Variants in NR3C2 observed in about 807,000 individuals in gnomAD.
NR3C2 encodes the protein mineralocorticoid receptor.
A neutral mutation model predicts 86.4 loss-of-function variants in NR3C2; 15 were observed. That is an observed-to-expected ratio of 0.17 (90% confidence interval 0.12 to 0.27). The LOEUF (loss-of-function observed/expected upper bound fraction) is 0.27. Among genes scored for constraint, NR3C2 ranks in the 10% least tolerant of loss-of-function variants. NR3C2 has a pLI of 1.00. For synonymous variants in NR3C2, 458 were observed against 450.5 expected (o/e 1.02, Z -0.21); for missense variants, 960 against 1,195.6 (o/e 0.80, Z 2.91).
intron 6 of NR3C2, among the ~76,000 whole-genome samples, chr4:148,131,655 G>A (rs1449208858): frequency 6.6e-6 from 1 of 152,160 alleles, no homozygotes; most frequent in Non-Finnish European, 1.5e-5. Flanking sequence ...CAGCCATAAG[G>A]TCTAGAAATC....
intron 2 of NR3C2, among the ~76,000 whole-genome samples, chr4:148,424,933 G>A (rs747400875): frequency 2.6e-5 from 4 of 152,074 alleles, no homozygotes; most frequent in South Asian, 2.1e-4. Flanking sequence ...ATCTCATTGC[G>A]CAGACTAAGA....
intron 3 of NR3C2, among the ~76,000 whole-genome samples, chr4:148,246,582 G>A (rs961188168): frequency 1.3e-5 from 2 of 152,014 alleles, no homozygotes; most frequent in Non-Finnish European, 1.5e-5. Context: ...ATGGAGCGTC[G>A]CTCTTGTTGC....
chr4:148,265,876 A>G (rs1012495485), intron 2 of NR3C2, among the ~76,000 whole-genome samples: 1 of 152,204 alleles, frequency 6.6e-6, no homozygotes, highest in Non-Finnish European at 1.5e-5. Flanking sequence ...CACTGTTCTA[A>G]GCACTGAGAA....
At chr4:148,442,573 A>G, upstream of NR3C2, 2 of 887,826 alleles carry the variant, frequency 2.3e-6, no homozygotes, top group Non-Finnish European at 2.7e-6. Context: ...CGCCCCCCTG[A>G]ACCCTTCCTA....
chr4:148,155,047 T>TA (rs1259028109), intron 4 of NR3C2, 146 bp from the exon 5 acceptor site: 1 of 691,400 alleles, frequency 1.4e-6, no homozygotes, highest in Non-Finnish European at 2.5e-6. Flanking sequence ...AGAAAATATA[T>TA]AAAGCTCAAT....
chr4:148,312,194 C>A (rs1030172215), intron 2 of NR3C2, among the ~76,000 whole-genome samples: 2 of 152,160 alleles, frequency 1.3e-5, no homozygotes, highest in Non-Finnish European at 2.9e-5. Flanking sequence ...CTATTATTAG[C>A]AAGTGTAGTC....
intron 2 of NR3C2, among the ~76,000 whole-genome samples, chr4:148,310,286 C>T (rs950844642): frequency 6.6e-6 from 1 of 152,132 alleles, no homozygotes; most frequent in African/African-American, 2.4e-5. Flanking sequence ...TGTGCTTATA[C>T]CCAAGGCTCC....
At chr4:148,120,039 TTC>T (rs1359611008) in intron 7 of NR3C2, 117 bp downstream of exon 7, 5 of 1,323,572 alleles carry the variant, frequency 3.8e-6, no homozygotes, top group African/African-American at 1.4e-5. Context: ...TCTTCAGTGT[TTC>T]TGTTTGGTTT....
At chr4:148,134,625 TTC>T (rs199563185) in intron 6 of NR3C2, among the ~76,000 whole-genome samples, 5,944 of 99,782 alleles carry the variant, frequency 0.06, 614 homozygotes, top group East Asian at 0.16. Flanking sequence ...CTCCCTGTGA[TTC>T]TCTCTCTCTC....
intron 2 of NR3C2, among the ~76,000 whole-genome samples, chr4:148,350,842 G>A (rs1196632522): frequency 6.6e-6 from 1 of 152,070 alleles, no homozygotes; most frequent in Admixed American, 6.6e-5. Context: ...TAAATTAATA[G>A]CCCTCAATCT....
chr4:148,276,979 C>A (rs753144371), intron 2 of NR3C2, among the ~76,000 whole-genome samples: 2 of 152,206 alleles, frequency 1.3e-5, no homozygotes, highest in African/African-American at 2.4e-5. Context: ...ACTCTGAACA[C>A]AATTTACTGT....
In NR3C2 at chr4:148,081,100, C is replaced by T; in HGVS notation, c.*244G>A. On this transcript the variant is annotated 3_prime_UTR_variant, in exon 9 of 9. Coordinates refer to ENST00000358102, the MANE Select transcript of NR3C2 (RefSeq NM_000901.5). ...AGATATGGCTTTTCATCCCGAGGAA[C>T]AGGAACATGTTTCTAAGCGCTGGGG... is the stretch of plus-strand genomic sequence containing the variant. 1.8e-6 allele frequency: 1 copy of T among 543,660 alleles called. No homozygotes were observed. The highest frequency in any genetic ancestry group is 3.3e-5 in the East Asian group (1 of 30,372). The allele number at this position is 543,660 out of a possible 1,614,324, so 33.7% of individuals were successfully genotyped here. A position where few individuals can be genotyped will look rare whatever the true frequency, so the allele number is the denominator to read the frequency against.
chr4:148,385,238 A>G (rs1747203074), intron 2 of NR3C2, among the ~76,000 whole-genome samples: 1 of 152,230 alleles, frequency 6.6e-6, no homozygotes. Flanking sequence ...ATATAATAGG[A>G]AGAAACTCTA....
chr4:148,395,948 G>A (rs929221039), intron 2 of NR3C2, among the ~76,000 whole-genome samples: 1 of 152,150 alleles, frequency 6.6e-6, no homozygotes, highest in Non-Finnish European at 1.5e-5. Flanking sequence ...GGCAGCTAGA[G>A]GTGGAAGCTA....
At chr4:148,427,746 G>C (rs1560729540) in intron 2 of NR3C2, among the ~76,000 whole-genome samples, 1 of 152,116 alleles carries the variant, frequency 6.6e-6, no homozygotes, top group Non-Finnish European at 1.5e-5. Flanking sequence ...GCCAATTCCA[G>C]ATCTGGGTCA....
At chr4:148,179,989 G>GA (rs200637734) in intron 4 of NR3C2, among the ~76,000 whole-genome samples, 3,327 of 151,534 alleles carry the variant, frequency 0.022, 140 homozygotes, top group African/African-American at 0.074. Context: ...AGAATGGAAA[G>GA]AAAAAAAATC....
At chr4:148,252,524 C>T (rs1279142243) in intron 3 of NR3C2, among the ~76,000 whole-genome samples, 2 of 152,150 alleles carry the variant, frequency 1.3e-5, no homozygotes, top group Non-Finnish European at 2.9e-5. Flanking sequence ...TCTATTAGTA[C>T]CAATGGGAGA....
chr4:148,120,167 G>A lies in NR3C2; in HGVS notation c.2632C>T (p.Leu878=), dbSNP rs1413862667. ...EYTIMKVLLL[L]STIPKDGLKS... is the part of the protein sequence containing the mutation. ...ATGGGCATCAATTTACTTGTGCTTA[G>A]TAGCAGCAAAACTTTCATGATGGTG... The change falls in exon 7 of 9, where the codon CTA becomes TTA. Residue 878 remains leucine (L), a synonymous_variant. Coordinates refer to ENST00000358102, the MANE Select transcript of NR3C2 (RefSeq NM_000901.5). 3 of 1,614,164 alleles carry A rather than the reference G, an allele frequency of 1.9e-6. No individual in the cohort carries two copies. Among genetic ancestry groups the A allele is most frequent in the East Asian group, 2.2e-5 (1 of 44,886 alleles).
intron 2 of NR3C2, among the ~76,000 whole-genome samples, chr4:148,422,465 C>T (rs1160989756): frequency 6.6e-6 from 1 of 152,080 alleles, no homozygotes; most frequent in Non-Finnish European, 1.5e-5. Context: ...TATCTACTCC[C>T]AATTCCATTT....
Sources: allele counts gnomAD v4.1 joint callset (sites outside exome capture counted in the v4.1 genomes callset), GRCh38; gene constraint gnomAD v4.1.1; transcripts MANE v1.5; gene names NCBI Gene and HGNC (gene_info 2026-07-23, HGNC 2026-07-21).